The following AAMDC variants were observed in gnomAD, a reference collection of about 807,000 sequenced individuals.
AAMDC encodes the protein mth938 domain-containing protein.
A neutral mutation model predicts 15.5 loss-of-function variants in AAMDC; 16 were observed. The ratio of observed to expected loss-of-function variants is 1.03; its 90% CI spans 0.70 to 1.57. The LOEUF (loss-of-function observed/expected upper bound fraction) is 1.57. Ranked by LOEUF, AAMDC falls within the 40% of genes most tolerant of loss-of-function variation. AAMDC has a pLI of 0.00. For synonymous variants in AAMDC, 51 were observed against 51.6 expected, an observed-to-expected ratio of 0.99 and a Z score of 0.05; for missense variants, 141 against 144.9, an observed-to-expected ratio of 0.97 and a Z score of 0.14.
At chr11:77,879,021 G>A (rs754539518) in intron 5 of AAMDC, 1 of 1,614,098 alleles carries the variant, frequency 6.2e-7, no homozygotes, top group East Asian at 2.2e-5. Context: ...CCTCGATGCT[G>A]GTTTCCACCT....
chr11:77,885,507 C>T (rs1164346051), intron 5 of AAMDC, among the ~76,000 whole-genome samples: 1 of 151,976 alleles, frequency 6.6e-6, no homozygotes, highest in East Asian at 1.9e-4. Context: ...AGTGCTTGGG[C>T]TTCATTTTTT....
chr11:77,891,797 C>T, intron 5 of AAMDC: 1 of 1,611,868 alleles, frequency 6.2e-7, no homozygotes, highest in Non-Finnish European at 8.5e-7. Flanking sequence ...AGGAGTTTGT[C>T]CACAAAGCTG....
At chr11:77,824,804 C>CT (rs923793317) in intron 1 of AAMDC, among the ~76,000 whole-genome samples, 9 of 152,180 alleles carry the variant, frequency 5.9e-5, no homozygotes, top group Non-Finnish European at 5.9e-5. Flanking sequence ...TCATTGAACT[C>CT]TATAAACACT....
At chr11:77,836,560 CTG>C (rs1490266132) in intron 1 of AAMDC, among the ~76,000 whole-genome samples, 1 of 152,196 alleles carries the variant, frequency 6.6e-6, no homozygotes, top group Non-Finnish European at 1.5e-5. Context: ...GACACGCAGT[CTG>C]TGGTATTTTG....
rs539372119 is a variant in AAMDC at position 77,836,329 on chromosome 11, A to G, written c.-18-6150A>G. ...GAGGTAGTTAAAATTAAATGAGATC[A>G]TAAGAGTCAGGCCCTAATCTAATAG... On this transcript the variant is annotated intron_variant, in intron 1 of 3. Coordinates refer to ENST00000393427, the MANE Select transcript of AAMDC (RefSeq NM_024684.4). Among the ~76,000 whole-genome samples, 13 of 152,288 alleles carry G rather than the reference A, an allele frequency of 8.5e-5. 1 individual carries two copies. The highest frequency in any genetic ancestry group is 4.1e-4 in the South Asian group (2 of 4,820).
At chr11:77,839,961 A>G (rs1488100191) in intron 1 of AAMDC, among the ~76,000 whole-genome samples, 1 of 152,190 alleles carries the variant, frequency 6.6e-6, no homozygotes, top group Non-Finnish European at 1.5e-5. Context: ...TTACACATGT[A>G]TCCTGGAACG....
intron 2 of AAMDC, among the ~76,000 whole-genome samples, chr11:77,849,769 T>C (rs1950297287): frequency 6.6e-6 from 1 of 152,250 alleles, no homozygotes; most frequent in African/African-American, 2.4e-5. Context: ...ATGATCTTTC[T>C]TTCCTCTGCA....
At chr11:77,901,274 T>G, downstream of AAMDC, 3 of 856,368 alleles carry the variant, frequency 3.5e-6, no homozygotes, top group South Asian at 4.3e-5. Context: ...TTGTAATATC[T>G]GAAAAAAATG....
At chr11:77,870,607 G>T (rs1291643953) in intron 3 of AAMDC, among the ~76,000 whole-genome samples, 2 of 152,064 alleles carry the variant, frequency 1.3e-5, no homozygotes, top group Non-Finnish European at 2.9e-5. Flanking sequence ...AAAGTGTTGG[G>T]ATTACGGGTG....
At chr11:77,863,746 C>T (rs569024404) in intron 2 of AAMDC, among the ~76,000 whole-genome samples, 134 of 152,114 alleles carry the variant, frequency 8.8e-4, no homozygotes, top group Admixed American at 2.2e-3. Context: ...AACTCCTGGC[C>T]TCAAGCGACC....
At chr11:77,872,103 T>C (rs1002157655) in intron 3 of AAMDC, 72 bp from the exon 4 acceptor site, 2 of 1,498,130 alleles carry the variant, frequency 1.3e-6, no homozygotes, top group African/African-American at 1.4e-5. Flanking sequence ...AGAGTACACC[T>C]GCCTCATGGC....
intron 3 of AAMDC, among the ~76,000 whole-genome samples, chr11:77,905,823 C>G (rs1952934151): frequency 6.6e-6 from 1 of 152,156 alleles, no homozygotes; most frequent in Non-Finnish European, 1.5e-5. Context: ...GCATTTATAC[C>G]TTTCCCTTTA....
chr11:77,823,107 C>A (rs975018733), intron 1 of AAMDC, among the ~76,000 whole-genome samples: 1 of 144,922 alleles, frequency 6.9e-6, no homozygotes, highest in Non-Finnish European at 1.5e-5. Context: ...GACAGCTACT[C>A]GGGAGGCTGA....
chr11:77,843,423 A>G (rs961492856), intron 2 of AAMDC, among the ~76,000 whole-genome samples: 2 of 152,160 alleles, frequency 1.3e-5, no homozygotes, highest in African/African-American at 2.4e-5. Context: ...GAGAGGCACT[A>G]AAGTCCTGCT....
intron 1 of AAMDC, among the ~76,000 whole-genome samples, chr11:77,822,986 C>G (rs1236449599): frequency 6.6e-5 from 10 of 151,980 alleles, no homozygotes; most frequent in Admixed American, 6.6e-4. Flanking sequence ...GAGGTCGAGA[C>G]GGGCGGGTCA....
At chr11:77,859,826 C>T (rs1283236903) in intron 2 of AAMDC, among the ~76,000 whole-genome samples, 1 of 152,192 alleles carries the variant, frequency 6.6e-6, no homozygotes, top group Non-Finnish European at 1.5e-5. Context: ...AAGAGTTGCA[C>T]AAGTGCACAG....
At chr11:77,844,338 A>T (rs1304619429) in intron 2 of AAMDC, among the ~76,000 whole-genome samples, 2 of 152,036 alleles carry the variant, frequency 1.3e-5, no homozygotes, top group Non-Finnish European at 2.9e-5. Flanking sequence ...CCATTGCAGC[A>T]AATTTTTTTT....
rs1951355599 is a variant in AAMDC at position 77,870,283 on chromosome 11, A to C, written c.228+466A>C. ...TGATCTCCCGCCTCGGCCTCCCAAA[A>C]TGCTAGGATTACAAATGTGAGCTAC... On this transcript the variant is annotated intron_variant, in intron 3 of 3. Coordinates refer to ENST00000393427, the MANE Select transcript of AAMDC (RefSeq NM_024684.4). Among the ~76,000 whole-genome samples, 3 of 148,502 alleles carry C rather than the reference A, an allele frequency of 2.0e-5. No individual in the cohort carries two copies. The South Asian group carries it at 6.4e-4, about 32-fold the overall frequency.
At chr11:77,905,251 G>T (rs1952910409), downstream of AAMDC, among the ~76,000 whole-genome samples, 1 of 152,082 alleles carries the variant, frequency 6.6e-6, no homozygotes, top group Admixed American at 6.5e-5. Context: ...GAGGTCAGGA[G>T]ATGGAGACCA....
Sources: allele counts gnomAD v4.1 joint callset (sites outside exome capture counted in the v4.1 genomes callset), GRCh38; gene constraint gnomAD v4.1.1; transcripts MANE v1.5; gene names NCBI Gene and HGNC (gene_info 2026-07-23, HGNC 2026-07-21).